The following RGS6 variants were observed in gnomAD, a reference collection of about 807,000 sequenced individuals.
RGS6 encodes the protein regulator of G protein signaling 6.
Under a neutral mutation model 78.5 loss-of-function variants are expected in RGS6, and 30 were observed. That is an observed-to-expected ratio of 0.38 (90% confidence interval 0.29 to 0.52). RGS6 has a LOEUF of 0.52. Ranked by LOEUF, RGS6 falls within the 20% of genes least tolerant of loss-of-function variation. The pLI is 0.85. For synonymous variants in RGS6, 206 were observed against 206.0 expected (o/e 1.00, Z 0.00); for missense variants, 495 against 609.7 (o/e 0.81, Z 1.98).
At chr14:72,546,359 C>T (rs2097402927) in intron 17 of RGS6, among the ~76,000 whole-genome samples, 1 of 152,182 alleles carries the variant, frequency 6.6e-6, no homozygotes, top group Non-Finnish European at 1.5e-5. Context: ...CTCAGTATGG[C>T]TGGTGGGTAC....
At chr14:72,220,156 C>T (rs2046524336) in intron 2 of RGS6, among the ~76,000 whole-genome samples, 1 of 152,178 alleles carries the variant, frequency 6.6e-6, no homozygotes. Flanking sequence ...AATAAAATAT[C>T]TAGGAATACA....
intron 2 of RGS6, among the ~76,000 whole-genome samples, chr14:72,282,914 CA>C (rs1252889342): frequency 6.6e-6 from 1 of 152,170 alleles, no homozygotes; most frequent in Admixed American, 6.5e-5. Flanking sequence ...TCTACTTGTT[CA>C]GTAATAACTC....
intron 2 of RGS6, among the ~76,000 whole-genome samples, chr14:72,262,558 G>A (rs989200253): frequency 6.6e-6 from 1 of 152,130 alleles, no homozygotes; most frequent in Non-Finnish European, 1.5e-5. Flanking sequence ...TGGGGATTAA[G>A]GTTTCAACAT....
chr14:71,873,774 G>C, the RGS6 span, among the ~76,000 whole-genome samples: 1 of 152,134 alleles, frequency 6.6e-6, no homozygotes, highest in African/African-American at 2.4e-5. Context: ...TATGGTTTTA[G>C]GTCTGACAAT....
chr14:72,503,561 T>C (rs898905919), intron 13 of RGS6, among the ~76,000 whole-genome samples: 1 of 149,166 alleles, frequency 6.7e-6, no homozygotes, highest in African/African-American at 2.5e-5. Context: ...GGATAGACAT[T>C]TTCATTCAAA....
At chr14:72,408,881 C>T (rs2093170012) in intron 3 of RGS6, among the ~76,000 whole-genome samples, 3 of 152,148 alleles carry the variant, frequency 2.0e-5, no homozygotes, top group Non-Finnish European at 4.4e-5. Context: ...AGCATGGACA[C>T]CTGGGACACA....
chr14:72,550,704 G>A, intron 17 of RGS6: 1 of 1,407,298 alleles, frequency 7.1e-7, no homozygotes, highest in African/African-American at 1.4e-5. Flanking sequence ...TCACAATCCG[G>A]TGGTTTTACA....
At chr14:72,027,623 A>G (rs915485823) in intron 2 of RGS6, among the ~76,000 whole-genome samples, 24 of 152,188 alleles carry the variant, frequency 1.6e-4, no homozygotes, top group Admixed American at 6.5e-5. Flanking sequence ...AAGCTGCTGT[A>G]TCATTTCAGG....
chr14:72,120,668 A>G (rs1255654995), intron 2 of RGS6, among the ~76,000 whole-genome samples: 1 of 152,240 alleles, frequency 6.6e-6, no homozygotes, highest in African/African-American at 2.4e-5. Flanking sequence ...ATGCAATGGC[A>G]TACATGAATC....
intron 3 of RGS6, among the ~76,000 whole-genome samples, chr14:72,392,387 G>C (rs549451951): frequency 2.6e-5 from 4 of 152,122 alleles, no homozygotes; most frequent in Admixed American, 6.5e-5. Flanking sequence ...GGCACACACA[G>C]AACCCATGAA....
At chr14:72,480,415 C>G (rs947030842) in intron 12 of RGS6, among the ~76,000 whole-genome samples, 1 of 152,170 alleles carries the variant, frequency 6.6e-6, no homozygotes, top group African/African-American at 2.4e-5. Context: ...CCTGGTACCA[C>G]CTAATTATGC....
At chr14:72,323,260 A>G (rs2072616169) in intron 2 of RGS6, among the ~76,000 whole-genome samples, 2 of 152,158 alleles carry the variant, frequency 1.3e-5, no homozygotes. Flanking sequence ...AATATAACTG[A>G]AGAGATCCCA....
intron 2 of RGS6, among the ~76,000 whole-genome samples, chr14:72,196,816 C>G (rs1369374860): frequency 2.6e-5 from 4 of 152,218 alleles, no homozygotes; most frequent in Admixed American, 1.3e-4. Context: ...ACTGCCTATT[C>G]TACTGTGAAA....
At chr14:71,977,711 C>T (rs28762785) in intron 2 of RGS6, among the ~76,000 whole-genome samples, 2,133 of 150,492 alleles carry the variant, frequency 0.014, 13 homozygotes, top group African/African-American at 0.021. Flanking sequence ...CCTCCAGCTT[C>T]GTTCTTTTGG....
At chr14:72,202,753 C>A (rs548073065) in intron 2 of RGS6, among the ~76,000 whole-genome samples, 3 of 151,864 alleles carry the variant, frequency 2.0e-5, no homozygotes, top group African/African-American at 7.3e-5. Context: ...AGGGCAGGCA[C>A]GTGTTAAAAA....
At chr14:72,437,819 G>A (rs115346434) in intron 3 of RGS6, among the ~76,000 whole-genome samples, 299 of 152,334 alleles carry the variant, frequency 2.0e-3, no homozygotes, top group African/African-American at 6.9e-3. Flanking sequence ...TTGTCTGGCT[G>A]TGTGACTGTA....
chr14:72,144,109 T>C (rs1247768596), intron 2 of RGS6, among the ~76,000 whole-genome samples: 1 of 152,178 alleles, frequency 6.6e-6, no homozygotes, highest in Non-Finnish European at 1.5e-5. Context: ...CATTTAACCA[T>C]TATGTGTCTG....
chr14:72,017,223 C>T (rs541400214), intron 2 of RGS6, among the ~76,000 whole-genome samples: 9 of 152,214 alleles, frequency 5.9e-5, no homozygotes, highest in African/African-American at 2.2e-4. Flanking sequence ...TTTTATCCCA[C>T]ATTTTTTGTT....
chr14:71,915,537 C>T, the RGS6 span, among the ~76,000 whole-genome samples: 1 of 152,182 alleles, frequency 6.6e-6, no homozygotes, highest in Non-Finnish European at 1.5e-5. Flanking sequence ...TCCCTCCCTC[C>T]ATCCCAGCAG....
Sources: allele counts gnomAD v4.1 joint callset (sites outside exome capture counted in the v4.1 genomes callset), GRCh38; gene constraint gnomAD v4.1.1; transcripts MANE v1.5; gene names NCBI Gene and HGNC (gene_info 2026-07-23, HGNC 2026-07-21).